The following RAB31 variants were observed in gnomAD, a reference collection of about 807,000 sequenced individuals.
The protein encoded by RAB31 is RAB31, member RAS oncogene family.
RAB31 carries 21 observed loss-of-function variants against 25.6 expected under a neutral mutation model. The observed-to-expected ratio is 0.82, with a 90% CI of 0.58 to 1.18. The LOEUF (loss-of-function observed/expected upper bound fraction) is 1.18, where lower values mean the gene tolerates loss of function less well. Ranked by LOEUF, RAB31 falls within the 50% of genes most tolerant of loss-of-function variation. The probability of loss-of-function intolerance (pLI) is 0.00; values close to 1 mark genes in which losing one functional copy is unlikely to be tolerated. For synonymous variants in RAB31, 87 were observed against 84.0 expected (o/e 1.04, Z -0.20); for missense variants, 196 against 250.1 (o/e 0.78, Z 1.46).
At chr18:9,763,395 G>T (rs2068298568) in intron 1 of RAB31, among the ~76,000 whole-genome samples, 1 of 151,818 alleles carries the variant, frequency 6.6e-6, no homozygotes, top group Admixed American at 6.6e-5. Context: ...TATGTTCAAG[G>T]AAATAAAAAT....
Position 9,813,364 on chromosome 18 carries a change from G to A in RAB31, c.202-656G>A, listed in dbSNP as rs564188821. 3.9e-5 allele frequency among the ~76,000 whole-genome samples: 6 copies of A among 152,150 alleles called. No homozygotes were observed. In the East Asian group the frequency reaches 5.8e-4, roughly 15 times the overall value. ...TGCCATACATCTTTCCTTTACTGCC[G>A]CATAATTCTAATGAGATTACCCTGG... On this transcript the variant is annotated intron_variant, in intron 3 of 6. Coordinates refer to ENST00000578921, the MANE Select transcript of RAB31 (RefSeq NM_006868.4).
At chr18:9,728,407 T>C (rs2068105650) in intron 1 of RAB31, among the ~76,000 whole-genome samples, 1 of 152,268 alleles carries the variant, frequency 6.6e-6, no homozygotes. Context: ...GGTCAGAGAA[T>C]AGGAGATTGA....
rs1161622227 is a variant in RAB31, at chr18:9,775,308, T to C, written c.70T>C (p.Cys24Arg). 1.2e-6 allele frequency: 2 copies of C among 1,613,752 alleles called. No homozygotes were observed. Among genetic ancestry groups the C allele is most frequent in the African/African-American group, 2.7e-5 (2 of 74,890 alleles). Residue 24 changes from cysteine (C) to arginine (R), a missense_variant, in exon 2 of 7, where the codon TGT (cysteine) becomes CGT (arginine). Cys to Arg is a radical substitution (Grantham distance 180). Transcript: ENST00000578921. ...DTGVGKSSIV[C>R]RFVQDHFDHN... Reference sequence around the variant, plus strand: ...TGGGGTTGGGAAATCAAGCATCGTGTGTCGATTTGTCCAGGATCACTTTGA... The same window carrying C: ...TGGGGTTGGGAAATCAAGCATCGTGCGTCGATTTGTCCAGGATCACTTTGA...
chr18:9,734,126 G>A lies in RAB31; in HGVS notation c.39+25682G>A, dbSNP rs118122764. Reference sequence around the variant, plus strand: ...GAGGAGGGAGGGAGGGAGGGAGGGAGGAAGGCTAAACTAAGGTCATGCACT... The same window carrying A: ...GAGGAGGGAGGGAGGGAGGGAGGGAAGAAGGCTAAACTAAGGTCATGCACT... On this transcript the variant is annotated intron_variant, in intron 1 of 6. Transcript: ENST00000578921. Among the ~76,000 whole-genome samples, 689 of 149,992 alleles carry A rather than the reference G, an allele frequency of 4.6e-3. 4 individuals are homozygous for A. The highest frequency in any genetic ancestry group is 8.5e-3 in the Non-Finnish European group (571 of 67,260).
At chr18:9,817,298 G>T (rs1453147258) in intron 5 of RAB31, among the ~76,000 whole-genome samples, 3 of 152,130 alleles carry the variant, frequency 2.0e-5, no homozygotes, top group Non-Finnish European at 4.4e-5. Context: ...TAGAATTTAA[G>T]CAGAAAACGA....
intron 1 of RAB31, among the ~76,000 whole-genome samples, chr18:9,716,376 A>G (rs1363035456): frequency 6.6e-6 from 1 of 152,238 alleles, no homozygotes; most frequent in East Asian, 1.9e-4. Flanking sequence ...CATTTATTTA[A>G]AAAAATTTCT....
In RAB31 at chr18:9,857,679, A is replaced by AGAT. The variant is rs1263712126; in HGVS notation, c.491-1548_491-1546dup. On this transcript the variant is annotated intron_variant, in intron 6 of 6. Transcript: ENST00000578921. ...TAGATAGATAGATAGATAGATAGATAGATAGATGATAGATAGATAGATAGA... is the reference window on the plus strand; with the variant it reads ...TAGATAGATAGATAGATAGATAGATAGATGATAGATGATAGATAGATAGATAGA... Among the ~76,000 whole-genome samples, 274 of 123,960 alleles carry AGAT rather than the reference A, an allele frequency of 2.2e-3. 1 individual carries two copies. The highest frequency in any genetic ancestry group is 4.3e-3 in the Middle Eastern group (1 of 234). The allele number at this position is 123,960 out of a possible 152,430, so 81.3% of individuals were successfully genotyped here. A position where few individuals can be genotyped will look rare whatever the true frequency, so the allele number is the denominator to read the frequency against.
Position 9,708,957 on chromosome 18 carries a change from A to G in RAB31, c.39+513A>G, listed in dbSNP as rs1240130694. On this transcript the variant is annotated intron_variant, in intron 1 of 6. Coordinates refer to ENST00000578921, the MANE Select transcript of RAB31 (RefSeq NM_006868.4). The surrounding 1 kb of genome is among the most constrained non-coding windows in gnomAD (Gnocchi z 6.4). ...CTCTTTTGCCTCCTGGGGGCAATTG[A>G]TTTACTCACGTAAAACAGAAAAATA... 6.6e-6 allele frequency among the ~76,000 whole-genome samples: 1 copy of G among 152,184 alleles called. No homozygotes were observed. The highest frequency in any genetic ancestry group is 6.5e-5 in the Admixed American group (1 of 15,286).
chr18:9,714,146 C>T (rs4797384), intron 1 of RAB31, among the ~76,000 whole-genome samples: 24,792 of 152,206 alleles, frequency 0.16, 2,084 homozygotes, highest in South Asian at 0.25. Flanking sequence ...TCTAAGGCCA[C>T]AGCCATGAGA....
At chr18:9,804,170 G>A (rs952879691) in intron 3 of RAB31, among the ~76,000 whole-genome samples, 16 of 152,264 alleles carry the variant, frequency 1.1e-4, no homozygotes, top group South Asian at 6.2e-4. Flanking sequence ...CTTGCCCCTC[G>A]GGGGTTCTTT....
chr18:9,728,798 C>T (rs1052924050), intron 1 of RAB31, among the ~76,000 whole-genome samples: 2 of 152,140 alleles, frequency 1.3e-5, no homozygotes, highest in African/African-American at 4.8e-5. Context: ...CTTGGCTTCG[C>T]TAAGTGCTGG....
At chr18:9,763,144 T>C (rs2145484721) in intron 1 of RAB31, among the ~76,000 whole-genome samples, 1 of 152,330 alleles carries the variant, frequency 6.6e-6, no homozygotes, top group East Asian at 1.9e-4. Context: ...CTGTTCTTTT[T>C]AAACCTTCAT....
At chr18:9,788,401 T>C (rs2068444086) in intron 2 of RAB31, among the ~76,000 whole-genome samples, 2 of 152,192 alleles carry the variant, frequency 1.3e-5, no homozygotes, top group South Asian at 2.1e-4. Context: ...TAACAAGTGC[T>C]GGCAAGGGTG....
intron 5 of RAB31, among the ~76,000 whole-genome samples, chr18:9,822,292 T>C (rs1189250621): frequency 6.6e-6 from 1 of 152,184 alleles, no homozygotes; most frequent in East Asian, 1.9e-4. Flanking sequence ...CTCAACCTTA[T>C]ATAAAATTAG....
intron 5 of RAB31, among the ~76,000 whole-genome samples, chr18:9,817,926 C>G (rs1298412482): frequency 6.6e-6 from 1 of 152,218 alleles, no homozygotes; most frequent in East Asian, 1.9e-4. Context: ...GCTGCTACCT[C>G]TAGTGGTAGT....
intron 1 of RAB31, among the ~76,000 whole-genome samples, chr18:9,714,381 A>G (rs2068033644): frequency 6.6e-6 from 1 of 152,106 alleles, no homozygotes; most frequent in Admixed American, 6.5e-5. Flanking sequence ...CAGGGTTTGC[A>G]CTCCTGTGAG....
In RAB31 at chr18:9,861,929, T is replaced by C. The variant is rs964906040; in HGVS notation, c.*2604T>C. ...GAATGACAGTGGAGTTGTGCAAGCA[T>C]TTTACATTGCCACATAATTGACTTG... On this transcript the variant is annotated 3_prime_UTR_variant, in exon 7 of 7. Transcript: ENST00000578921. 2 of 152,620 alleles carry C rather than the reference T, an allele frequency of 1.3e-5. No homozygotes were observed. Among genetic ancestry groups the C allele is most frequent in the African/African-American group, 4.8e-5 (2 of 41,452 alleles). 9.5% of individuals were successfully genotyped at this position (152,620 alleles called of 1,614,324 possible).
intron 5 of RAB31, among the ~76,000 whole-genome samples, chr18:9,831,598 G>A (rs1197511814): frequency 6.6e-6 from 1 of 152,202 alleles, no homozygotes; most frequent in East Asian, 1.9e-4. Context: ...GGGCCACCAC[G>A]CTGCCCTGAG....
intron 1 of RAB31, among the ~76,000 whole-genome samples, chr18:9,773,341 T>A (rs1243729060): frequency 6.6e-6 from 1 of 152,232 alleles, no homozygotes; most frequent in Non-Finnish European, 1.5e-5. Context: ...CTTGATCTTT[T>A]GGCTTTCAAA....
Sources: allele counts gnomAD v4.1 joint callset (sites outside exome capture counted in the v4.1 genomes callset), GRCh38; gene constraint gnomAD v4.1.1; non-coding constraint Gnocchi (gnomAD v3.1); transcripts MANE v1.5; gene names NCBI Gene and HGNC (gene_info 2026-07-23, HGNC 2026-07-21).